The following CNOT3 variants were observed in gnomAD, a reference collection of about 807,000 sequenced individuals.
CNOT3 encodes the protein CCR4-associated factor 3.
CNOT3 carries 2 observed loss-of-function variants against 89.4 expected under a neutral mutation model. The ratio of observed to expected loss-of-function variants is 0.02; its 90% CI spans 0.01 to 0.07. The LOEUF is 0.07. CNOT3 is among the 10% of genes least tolerant of loss of function. CNOT3 has a pLI of 1.00. For synonymous variants in CNOT3, 486 were observed against 402.0 expected, an observed-to-expected ratio of 1.21 and a Z score of -2.50; for missense variants, 664 against 1,010.2, an observed-to-expected ratio of 0.66 and a Z score of 4.65.
At position 54,153,546 on chromosome 19, in the gene CNOT3, CA is replaced by C. The variant is rs2075259748; in HGVS notation, c.2038-168del. The C allele has an allele frequency of 1.7e-5, 13 of 779,438 alleles. No homozygotes were observed. The East Asian group carries it at 3.2e-4, about 19-fold the overall frequency. 48.3% of individuals were successfully genotyped at this position (779,438 alleles called of 1,614,324 possible). On this transcript the variant is annotated intron_variant, in intron 16 of 17. Transcript: ENST00000221232. ...CCTGTCTCATTTTCCTTCTCCTGAT[CA>C]GCATTGGTATGTTCTGTGCCCCCAG...
chr19:54,152,652 G>A (rs1171257649), intron 15 of CNOT3, 26 bp downstream of exon 15: 1 of 1,576,920 alleles, frequency 6.3e-7, no homozygotes, highest in Non-Finnish European at 8.7e-7. Flanking sequence ...GAAGGGGGAT[G>A]GTCTGGGACT....
chr19:54,138,586 C>G (rs1462702957), intron 1 of CNOT3, among the ~76,000 whole-genome samples: 1 of 152,186 alleles, frequency 6.6e-6, no homozygotes, highest in Non-Finnish European at 1.5e-5. Context: ...CCCTCCGCAT[C>G]CCTCCTCACT....
rs753359008 is a variant in CNOT3 at position 54,148,690 on chromosome 19, C to T, written c.1353C>T (p.Ser451=). ...GCAGCAGTGGGGGCAACAATGCCAG[C>T]AGCCAGGCCTTGGGCCCCCCTTCCG... ...ALSSSGGNNA[S]SQALGPPSGP... The change falls in exon 12 of 18, where the codon AGC becomes AGT. Residue 451 remains serine, a synonymous_variant. Transcript: ENST00000221232. This position sits in a 1 kb window ranked among gnomAD's most constrained non-coding sequence, Gnocchi z 6.3. The T allele has an allele frequency of 1.4e-5, 22 of 1,611,886 alleles. 1 individual carries two copies. The South Asian group carries it at 2.3e-4, about 17-fold the overall frequency.
chr19:54,143,903 C>A, intron 5 of CNOT3, 103 bp from the exon 6 acceptor site: 1 of 1,525,122 alleles, frequency 6.6e-7, no homozygotes, highest in Non-Finnish European at 8.9e-7. Flanking sequence ...GGACTCAGAG[C>A]TCAGAAAGTA....
chr19:54,153,858 T>C lies in CNOT3; in HGVS notation c.2163+18T>C, dbSNP rs761391123. ...TTGAGCAGGTGAGGGCCCCGCCCCC[T>C]CTCTTCCCGCTGCTAGGGTTGGGGT... is the stretch of plus-strand genomic sequence containing the variant. On this transcript the variant is annotated intron_variant, in intron 17 of 17. Coordinates refer to ENST00000221232, the MANE Select transcript of CNOT3 (RefSeq NM_014516.4). 2.5e-6 allele frequency: 4 copies of C among 1,613,920 alleles called. No individual in the cohort carries two copies. The South Asian group carries it at 4.4e-5, about 18-fold the overall frequency.
chr19:54,149,029 T>A (rs587738684), intron 12 of CNOT3, among the ~76,000 whole-genome samples: 2 of 152,358 alleles, frequency 1.3e-5, no homozygotes, highest in East Asian at 3.9e-4. Flanking sequence ...TTCTGTTACC[T>A]GCCTGAGGCC....
rs767770883 is a variant in CNOT3, at chr19:54,148,429, C to T, written c.1176C>T (p.Ser392=). 22 of 1,564,042 alleles carry T rather than the reference C, an allele frequency of 1.4e-5. No homozygotes were observed. The highest frequency in any genetic ancestry group is 1.7e-5 in the Non-Finnish European group (20 of 1,153,206). ...GCACGACCCAGCCCCGGCCCCCCAGCGTCCAGCCTAGCGGAGGCGGAGGCG... is the reference window on the plus strand; with the variant it reads ...GCACGACCCAGCCCCGGCCCCCCAGTGTCCAGCCTAGCGGAGGCGGAGGCG... The part of the protein sequence containing the change: ...GPSTTQPRPP[S]VQPSGGGGGG... Residue 392 remains serine (S), a synonymous_variant, in exon 11 of 18, where the codon AGC becomes AGT. Transcript: ENST00000221232. The surrounding 1 kb of genome is among the most constrained non-coding windows in gnomAD (Gnocchi z 6.3).
chr19:54,149,686 C>T lies in CNOT3; in HGVS notation c.1533C>T (p.Ser511=), dbSNP rs1253243942. The T allele has an allele frequency of 3.7e-6, 6 of 1,614,110 alleles. No individual in the cohort carries two copies. Among genetic ancestry groups the T allele is most frequent in the Non-Finnish European group, 4.2e-6 (5 of 1,179,978 alleles). ...PVNPPSSPTP[S]FSDAKAAGAL... ...ATCCTCCCAGCTCCCCAACGCCCAG[C>T]TTCAGTGATGCCAAGGCAGCCGGTG... The change falls in exon 13 of 18, where the codon AGC becomes AGT. Residue 511 remains serine, a synonymous_variant. Transcript: ENST00000221232.
chr19:54,153,020 C>A, intron 16 of CNOT3, 21 bp downstream of exon 16: 1 of 1,591,484 alleles, frequency 6.3e-7, no homozygotes, highest in Non-Finnish European at 8.6e-7. Flanking sequence ...GCCCCCGGGG[C>A]AGCCTCGGGC....
At position 54,145,431 on chromosome 19, in the gene CNOT3, C is replaced by T. The variant is rs1296861905; in HGVS notation, c.484-167C>T. ...ATGTCAAGGCTAAGATTGGTCCCCA[C>T]AGGGCTCAGAGGGTGGGTGGACCCC... On this transcript the variant is annotated intron_variant, in intron 7 of 17. Transcript: ENST00000221232. The surrounding 1 kb of genome is among the most constrained non-coding windows in gnomAD (Gnocchi z 5.9). The T allele has an allele frequency of 4.9e-6, 3 of 610,600 alleles. No homozygotes were observed. Among genetic ancestry groups the T allele is most frequent in the Non-Finnish European group, 8.8e-6 (3 of 340,724 alleles). The allele number at this position is 610,600 out of a possible 1,614,324, so 37.8% of individuals were successfully genotyped here.
At chr19:54,147,984 T>G (rs1431707773) in intron 10 of CNOT3, among the ~76,000 whole-genome samples, 164 bp from the exon 11 acceptor site, 1 of 152,032 alleles carries the variant, frequency 6.6e-6, no homozygotes, top group Non-Finnish European at 1.5e-5. Context: ...ATTGAAGCCA[T>G]GAGGGTGAGT....
chr19:54,153,768 A>T lies in CNOT3; in HGVS notation c.2091A>T (p.Arg697=), dbSNP rs754832766. Residue 697 remains arginine (R), a synonymous_variant, in exon 17 of 18, where the codon CGA becomes CGT. Coordinates refer to ENST00000221232, the MANE Select transcript of CNOT3 (RefSeq NM_014516.4). The stretch of plus-strand genomic sequence containing the variant: ...AGGCCCTAAAGAAGCAGTCATGGCG[A>T]TTCCACACCAAGTACATGATGTGGT... ...AAKALKKQSW[R]FHTKYMMWFQ... The T allele has an allele frequency of 6.2e-7, 1 of 1,614,000 alleles. No homozygotes were observed. The highest frequency in any genetic ancestry group is 1.3e-5 in the African/African-American group (1 of 74,940).
chr19:54,152,630 AG>A lies in CNOT3; in HGVS notation c.1904+8del. On this transcript the variant is annotated splice_donor_5th_base_variant and intron_variant, in intron 15 of 17. Transcript: ENST00000221232. ...CCTCTGACTCTGAGCGTATTCGGTG[AG>A]GGGCCACAGGGAAGGGGGATGGTCT... 1 of 1,606,476 alleles carries A rather than the reference AG, an allele frequency of 6.2e-7. No homozygotes were observed. Among genetic ancestry groups the A allele is most frequent in the East Asian group, 2.2e-5 (1 of 44,840 alleles).
In CNOT3 at chr19:54,145,531, T is replaced by C; in HGVS notation, c.484-67T>C. 1 of 1,101,826 alleles carries C rather than the reference T, an allele frequency of 9.1e-7. No individual in the cohort carries two copies. Among genetic ancestry groups the C allele is most frequent in the Non-Finnish European group, 1.4e-6 (1 of 726,242 alleles). 68.3% of individuals were successfully genotyped at this position (1,101,826 alleles called of 1,614,324 possible). ...GGGGTCAGGGACTGAGGACAGGTTC[T>C]GTGGGGGCAGGAGGGGCCAAGCAGG... On this transcript the variant is annotated intron_variant, in intron 7 of 17. Transcript: ENST00000221232. This position sits in a 1 kb window ranked among gnomAD's most constrained non-coding sequence, Gnocchi z 5.9.
Position 54,144,817 on chromosome 19 carries a change from C to T in CNOT3, c.483+485C>T, listed in dbSNP as rs1173169017. Among the ~76,000 whole-genome samples the T allele has an allele frequency of 6.6e-6, 1 of 152,042 alleles. No homozygotes were observed. The highest frequency in any genetic ancestry group is 1.5e-5 in the Non-Finnish European group (1 of 68,012). On this transcript the variant is annotated intron_variant, in intron 7 of 17. Coordinates refer to ENST00000221232, the MANE Select transcript of CNOT3 (RefSeq NM_014516.4). The surrounding 1 kb of genome is among the most constrained non-coding windows in gnomAD (Gnocchi z 4.8). Reference sequence around the variant, plus strand: ...TGTTGGGGTCCCAGGTTCTAAAATCCGGGATTGTGGGGTATGAGTTCAAAG... The same window carrying T: ...TGTTGGGGTCCCAGGTTCTAAAATCTGGGATTGTGGGGTATGAGTTCAAAG...
At position 54,144,494 on chromosome 19, in the gene CNOT3, G is replaced by A. The variant is rs1463270599; in HGVS notation, c.483+162G>A. Among the ~76,000 whole-genome samples the A allele has an allele frequency of 6.6e-6, 1 of 152,184 alleles. No homozygotes were observed. The highest frequency in any genetic ancestry group is 6.5e-5 in the Admixed American group (1 of 15,286). ...GGGATTTGAGAGACAGGATTGGGAG[G>A]GCTTAGCAGCTGCACGCGTGGGGCA... On this transcript the variant is annotated intron_variant, in intron 7 of 17. Transcript: ENST00000221232. The surrounding 1 kb of genome is among the most constrained non-coding windows in gnomAD (Gnocchi z 4.8).
intron 1 of CNOT3, among the ~76,000 whole-genome samples, chr19:54,140,292 A>T (rs587748760): frequency 9.3e-5 from 14 of 150,986 alleles, no homozygotes; most frequent in Non-Finnish European, 1.5e-5. Flanking sequence ...CCCTGTGGGG[A>T]TGTGTGTTCC....
Position 54,144,232 on chromosome 19 carries a change from C to T in CNOT3, c.388-5C>T. 1 of 1,613,966 alleles carries T rather than the reference C, an allele frequency of 6.2e-7. No homozygotes were observed. Among genetic ancestry groups the T allele is most frequent in the East Asian group, 2.2e-5 (1 of 44,876 alleles). On this transcript the variant is annotated splice_region_variant and splice_polypyrimidine_tract_variant and intron_variant, in intron 6 of 17. Transcript: ENST00000221232. The surrounding 1 kb of genome is among the most constrained non-coding windows in gnomAD (Gnocchi z 4.8). ...ATGGGCTTCCTCTTCCTCTCCCTCCCCTAGAATACCATCGACACGCTCAAC... is the reference window on the plus strand; with the variant it reads ...ATGGGCTTCCTCTTCCTCTCCCTCCTCTAGAATACCATCGACACGCTCAAC...
chr19:54,146,092 C>T (rs2074657942), intron 9 of CNOT3, 49 bp downstream of exon 9: 4 of 1,597,678 alleles, frequency 2.5e-6, no homozygotes, highest in Non-Finnish European at 3.4e-6. Flanking sequence ...CAGGGCAGGA[C>T]TCGAGGAGAC....
Sources: gnomAD v4.1 joint callset for allele counts (sites outside exome capture counted in the v4.1 genomes callset) on GRCh38, gnomAD v4.1.1 for gene constraint, Gnocchi (gnomAD v3.1) non-coding constraint, MANE v1.5 for transcripts, NCBI Gene and HGNC (gene_info 2026-07-23, HGNC 2026-07-21) for gene names.